Variants in GUCY1A2 observed in about 807,000 individuals in gnomAD.
GUCY1A2 encodes guanylate cyclase soluble subunit alpha-2.
In GUCY1A2, 27 loss-of-function variants were observed where a neutral mutation model predicts 63.5. The observed-to-expected ratio is 0.43, with a 90% CI of 0.31 to 0.59. The LOEUF (loss-of-function observed/expected upper bound fraction) is 0.59, where lower values mean the gene tolerates loss of function less well. Ranked by LOEUF, GUCY1A2 falls within the 20% of genes least tolerant of loss-of-function variation. The pLI, the probability that GUCY1A2 is intolerant of heterozygous loss-of-function variation, is 0.11. For missense variants in GUCY1A2, 768 were observed against 913.3 expected, an observed-to-expected ratio of 0.84 and a Z score of 2.05; for synonymous variants, 364 against 343.5, an observed-to-expected ratio of 1.06 and a Z score of -0.66.
At chr11:106,872,188 G>A (rs1384186751) in intron 4 of GUCY1A2, among the ~76,000 whole-genome samples, 1 of 152,046 alleles carries the variant, frequency 6.6e-6, no homozygotes, top group Non-Finnish European at 1.5e-5. Flanking sequence ...GTAAAACCTT[G>A]TAACATAGGA....
At chr11:106,737,116 G>A (rs1291468234) in intron 6 of GUCY1A2, among the ~76,000 whole-genome samples, 1 of 152,048 alleles carries the variant, frequency 6.6e-6, no homozygotes, top group Non-Finnish European at 1.5e-5. Context: ...TTTCATTGTA[G>A]ACGCACATTT....
At chr11:106,702,917 G>A (rs1266866812) in intron 7 of GUCY1A2, among the ~76,000 whole-genome samples, 1 of 152,132 alleles carries the variant, frequency 6.6e-6, no homozygotes, top group African/African-American at 2.4e-5. Flanking sequence ...ATTGAAGGAT[G>A]CAAAGTATTG....
intron 1 of GUCY1A2, among the ~76,000 whole-genome samples, chr11:107,016,235 T>TA (rs1439277636): frequency 6.6e-6 from 1 of 152,168 alleles, no homozygotes; most frequent in Non-Finnish European, 1.5e-5. Context: ...TCGGAAACTT[T>TA]AAAAAAGTAA....
At chr11:107,012,275 T>C (rs80015354) in intron 1 of GUCY1A2, among the ~76,000 whole-genome samples, 3 of 150,592 alleles carry the variant, frequency 2.0e-5, no homozygotes, top group African/African-American at 7.4e-5. Flanking sequence ...TTTTTTTTTT[T>C]CGTACTTGAC....
chr11:106,736,792 C>G (rs1863597439), intron 6 of GUCY1A2, among the ~76,000 whole-genome samples: 1 of 151,948 alleles, frequency 6.6e-6, no homozygotes, highest in Non-Finnish European at 1.5e-5. Context: ...TCTTGTGTGT[C>G]TTCAATTTTT....
At chr11:106,700,605 A>G (rs1481487233) in intron 7 of GUCY1A2, among the ~76,000 whole-genome samples, 1 of 152,316 alleles carries the variant, frequency 6.6e-6, no homozygotes, top group South Asian at 2.1e-4. Context: ...TCCTTTTGGG[A>G]AAACTACTAA....
At chr11:106,762,024 CTACTT>C (rs1187489168) in intron 6 of GUCY1A2, among the ~76,000 whole-genome samples, 1 of 152,022 alleles carries the variant, frequency 6.6e-6, no homozygotes, top group African/African-American at 2.4e-5. Flanking sequence ...TGAGGCAGGT[CTACTT>C]TACTTCATTA....
At chr11:107,014,846 A>G (rs981629940) in intron 1 of GUCY1A2, among the ~76,000 whole-genome samples, 6 of 152,178 alleles carry the variant, frequency 3.9e-5, no homozygotes, top group Admixed American at 3.3e-4. Flanking sequence ...CACAACATTC[A>G]AAACAACTAG....
chr11:106,755,828 T>C (rs1231308615), intron 6 of GUCY1A2, among the ~76,000 whole-genome samples: 1 of 152,162 alleles, frequency 6.6e-6, no homozygotes, highest in African/African-American at 2.4e-5. Flanking sequence ...ATTCTGTTGA[T>C]TTGGGGTGGA....
At chr11:107,017,714 C>T in intron 1 of GUCY1A2, 39 bp downstream of exon 1, 1 of 1,227,964 alleles carries the variant, frequency 8.1e-7, no homozygotes, top group Non-Finnish European at 1.1e-6. Context: ...TCCGCGTTCT[C>T]TCCCCCGAAG....
chr11:106,985,795 C>T (rs1238270708), intron 2 of GUCY1A2, among the ~76,000 whole-genome samples: 5 of 151,960 alleles, frequency 3.3e-5, no homozygotes, highest in Non-Finnish European at 7.4e-5. Flanking sequence ...TATGATTCAA[C>T]ATCGGAATAA....
intron 6 of GUCY1A2, among the ~76,000 whole-genome samples, chr11:106,773,733 G>A (rs957818690): frequency 1.3e-5 from 2 of 152,120 alleles, no homozygotes; most frequent in African/African-American, 2.4e-5. Context: ...TGATAGTGTT[G>A]TAAATTTCTA....
chr11:106,892,762 G>A (rs1258074876), intron 4 of GUCY1A2, among the ~76,000 whole-genome samples: 1 of 152,116 alleles, frequency 6.6e-6, no homozygotes, highest in African/African-American at 2.4e-5. Flanking sequence ...TGTGTGATGG[G>A]GGTCTTGGCA....
chr11:106,718,413 T>C (rs932687792), intron 6 of GUCY1A2, among the ~76,000 whole-genome samples: 3 of 152,146 alleles, frequency 2.0e-5, no homozygotes, highest in Non-Finnish European at 4.4e-5. Context: ...TAGAATCATA[T>C]AGCTGATGGC....
intron 1 of GUCY1A2, among the ~76,000 whole-genome samples, chr11:107,009,460 CT>C (rs1565358929): frequency 6.6e-6 from 1 of 152,182 alleles, no homozygotes; most frequent in African/African-American, 2.4e-5. Flanking sequence ...AACCACCCTT[CT>C]TTTTTTCTAC....
intron 6 of GUCY1A2, among the ~76,000 whole-genome samples, chr11:106,774,519 AC>A (rs1864320882): frequency 6.6e-6 from 1 of 151,848 alleles, no homozygotes. Context: ...CTATGGTTTA[AC>A]TTTTGCAGAA....
chr11:106,770,424 T>TA (rs1343691868), intron 6 of GUCY1A2, among the ~76,000 whole-genome samples: 1 of 152,150 alleles, frequency 6.6e-6, no homozygotes, highest in African/African-American at 2.4e-5. Flanking sequence ...AACTCATGGA[T>TA]ATGGAGTGCC....
At position 106,935,133 on chromosome 11, in the gene GUCY1A2, G is replaced by A. The variant is rs549981367; in HGVS notation, c.1206+4327C>T. Among the ~76,000 whole-genome samples the A allele has an allele frequency of 5.3e-5, 8 of 152,224 alleles. No homozygotes were observed. The South Asian group carries it at 1.7e-3, about 32-fold the overall frequency. The stretch of plus-strand genomic sequence containing the variant: ...GTGGTCTTCTAGTCTTTATTAAGGA[G>A]ACAAGCAGCAGGGTCCAAGGCATAT... On this transcript the variant is annotated intron_variant, in intron 4 of 7. Transcript: ENST00000526355.
At chr11:106,851,549 C>A (rs868231452) in intron 4 of GUCY1A2, among the ~76,000 whole-genome samples, 1 of 151,690 alleles carries the variant, frequency 6.6e-6, no homozygotes. Flanking sequence ...GAGGAGTCTA[C>A]TTTCATTCTT....
Sources: allele counts gnomAD v4.1 joint callset (sites outside exome capture counted in the v4.1 genomes callset), GRCh38; gene constraint gnomAD v4.1.1; transcripts MANE v1.5; gene names NCBI Gene and HGNC (gene_info 2026-07-23, HGNC 2026-07-21).